PDZD2: variants seen among roughly 807,000 people sequenced by gnomAD.
PDZD2 encodes PDZ domain-containing protein 2.
Under a neutral mutation model 220.7 loss-of-function variants are expected in PDZD2, and 90 were observed. The ratio of observed to expected loss-of-function variants is 0.41; its 90% CI spans 0.34 to 0.49. The LOEUF is 0.49. Among genes scored for constraint, PDZD2 ranks in the 20% least tolerant of loss-of-function variants. PDZD2 has a pLI of 0.28. For missense variants in PDZD2, 3,174 were observed against 3,608.5 expected, an observed-to-expected ratio of 0.88 and a Z score of 3.08; for synonymous variants, 1,375 against 1,450.5, an observed-to-expected ratio of 0.95 and a Z score of 1.18.
chr5:31,982,232 C>G (rs145902365), intron 2 of PDZD2, among the ~76,000 whole-genome samples: 8 of 152,366 alleles, frequency 5.3e-5, no homozygotes, highest in African/African-American at 1.9e-4. Flanking sequence ...GGGACTGTTA[C>G]CAAGGCGTGA....
intron 1 of PDZD2, among the ~76,000 whole-genome samples, chr5:31,654,297 G>A (rs1005710302): frequency 6.6e-6 from 1 of 152,028 alleles, no homozygotes; most frequent in Non-Finnish European, 1.5e-5. Flanking sequence ...TGGCTCTCTG[G>A]ATACCACACT....
chr5:31,978,822 T>G (rs932046041), intron 2 of PDZD2, among the ~76,000 whole-genome samples: 1 of 152,126 alleles, frequency 6.6e-6, no homozygotes, highest in African/African-American at 2.4e-5. Context: ...AGGAAGACCT[T>G]AGAAAATTCA....
chr5:31,707,341 A>G (rs2150136931), intron 1 of PDZD2, among the ~76,000 whole-genome samples: 1 of 152,130 alleles, frequency 6.6e-6, no homozygotes, highest in East Asian at 1.9e-4. Context: ...TAAATAAAAA[A>G]TAAAAAAGGA....
intron 2 of PDZD2, among the ~76,000 whole-genome samples, chr5:31,827,816 A>T (rs1756322348): frequency 6.6e-6 from 1 of 152,224 alleles, no homozygotes; most frequent in South Asian, 2.1e-4. Flanking sequence ...ACAGCATTGA[A>T]TATCACCAAT....
intron 14 of PDZD2, among the ~76,000 whole-genome samples, chr5:32,064,040 CA>C (rs2112355461): frequency 6.6e-6 from 1 of 152,314 alleles, no homozygotes; most frequent in African/African-American, 2.4e-5. Flanking sequence ...CTCTTGGACC[CA>C]TACGGAAGTT....
At chr5:32,036,870 C>T (rs1242504883) in intron 6 of PDZD2, among the ~76,000 whole-genome samples, 2 of 152,212 alleles carry the variant, frequency 1.3e-5, no homozygotes, top group African/African-American at 2.4e-5. Flanking sequence ...GTAGCTTTGT[C>T]GTTGACCACT....
chr5:31,928,721 C>T (rs1745006223), intron 2 of PDZD2, among the ~76,000 whole-genome samples: 1 of 152,150 alleles, frequency 6.6e-6, no homozygotes. Context: ...GATGATCCAC[C>T]TCGACTTCCC....
chr5:31,945,827 G>A (rs1746585847), intron 2 of PDZD2, among the ~76,000 whole-genome samples: 1 of 151,952 alleles, frequency 6.6e-6, no homozygotes, highest in African/African-American at 2.4e-5. Context: ...GCCATTATAG[G>A]GTGATCCTTA....
intron 2 of PDZD2, chr5:31,840,421 TATATA>T (rs1757210319): frequency 8.3e-6 from 1 of 121,176 alleles, no homozygotes; most frequent in African/African-American, 3.2e-5. Context: ...TATATATATA[TATATA>T]TATATATATA....
chr5:32,068,142 C>CA lies in PDZD2; in HGVS notation c.2452-1416dup, dbSNP rs34069559. Among the ~76,000 whole-genome samples the CA allele has an allele frequency of 2.8e-3, 416 of 146,142 alleles. 1 individual carries two copies. Among genetic ancestry groups the CA allele is most frequent in the African/African-American group, 4.7e-3 (190 of 40,412 alleles). ...GAAATCATTCTTGTACTTTTTCTGC[C>CA]AAAAAAAAAAATGCGTAATCTGAAT... On this transcript the variant is annotated intron_variant, in intron 14 of 24. Transcript: ENST00000438447.
intron 2 of PDZD2, among the ~76,000 whole-genome samples, chr5:31,980,858 A>C (rs999787443): frequency 6.6e-6 from 1 of 152,206 alleles, no homozygotes; most frequent in Non-Finnish European, 1.5e-5. Context: ...ATCTCAGCTC[A>C]CTGCAACCTC....
chr5:31,662,905 C>T (rs569974627), intron 1 of PDZD2, among the ~76,000 whole-genome samples: 4 of 152,220 alleles, frequency 2.6e-5, no homozygotes, highest in Non-Finnish European at 5.9e-5. Context: ...GCTGGGATTA[C>T]AGGTGTGAGC....
chr5:31,977,299 T>C (rs1749874909), intron 2 of PDZD2, among the ~76,000 whole-genome samples: 2 of 152,192 alleles, frequency 1.3e-5, no homozygotes, highest in South Asian at 4.1e-4. Flanking sequence ...AAATTGTTTC[T>C]TCCAAAGGTT....
chr5:31,718,269 T>C (rs1198922606), intron 1 of PDZD2, among the ~76,000 whole-genome samples: 1 of 152,182 alleles, frequency 6.6e-6, no homozygotes, highest in Non-Finnish European at 1.5e-5. Context: ...ATCTTCCATC[T>C]TCCCAGCCCA....
chr5:31,742,976 T>G (rs73056574), intron 1 of PDZD2, among the ~76,000 whole-genome samples: 1 of 152,200 alleles, frequency 6.6e-6, no homozygotes, highest in East Asian at 1.9e-4. Context: ...AAAATTGAGC[T>G]TCTAAGTGAA....
At position 32,050,368 on chromosome 5, in the gene PDZD2, C is replaced by T. The variant is rs115897951; in HGVS notation, c.1665+1684C>T. On this transcript the variant is annotated intron_variant, in intron 8 of 24. Coordinates refer to ENST00000438447, the MANE Select transcript of PDZD2 (RefSeq NM_178140.4). ...CCAGAAACATCCATTTTTAACCACA[C>T]TTCAGGGATCGGGAAGCCCAGGCCA... Among the ~76,000 whole-genome samples the T allele has an allele frequency of 4.9e-3, 750 of 152,322 alleles. 7 individuals are homozygous for T. Among genetic ancestry groups the T allele is most frequent in the African/African-American group, 0.017 (714 of 41,582 alleles).
intron 7 of PDZD2, among the ~76,000 whole-genome samples, chr5:32,041,328 T>C (rs1467873510): frequency 6.6e-6 from 1 of 151,792 alleles, no homozygotes; most frequent in Non-Finnish European, 1.5e-5. Flanking sequence ...CTGGGAGGTG[T>C]ACCCAACAGC....
intron 1 of PDZD2, among the ~76,000 whole-genome samples, chr5:31,660,278 G>A (rs1745708965): frequency 2.6e-5 from 4 of 152,108 alleles, no homozygotes. Flanking sequence ...CTATTGGCAT[G>A]TTATTCTTCC....
intron 2 of PDZD2, among the ~76,000 whole-genome samples, chr5:31,948,355 C>T (rs902804187): frequency 2.0e-5 from 3 of 152,148 alleles, no homozygotes; most frequent in African/African-American, 7.2e-5. Context: ...CAAGATTTGT[C>T]ATTTTGAGAA....
Sources: gnomAD v4.1 joint callset for allele counts (sites outside exome capture counted in the v4.1 genomes callset) on GRCh38, gnomAD v4.1.1 for gene constraint, MANE v1.5 for transcripts, NCBI Gene and HGNC (gene_info 2026-07-23, HGNC 2026-07-21) for gene names.